TLE2: variants seen among roughly 807,000 people sequenced by gnomAD.
TLE2 encodes transducin-like enhancer protein 2.
TLE2 carries 74 observed loss-of-function variants against 97.2 expected under a neutral mutation model. The ratio of observed to expected loss-of-function variants is 0.76; its 90% CI spans 0.63 to 0.92. TLE2 has a LOEUF of 0.92. Among genes scored for constraint, TLE2 ranks in the 40% least tolerant of loss-of-function variants. The probability of loss-of-function intolerance (pLI) is 0.00; values close to 1 mark genes in which losing one functional copy is unlikely to be tolerated. For missense variants in TLE2, 1,038 were observed against 1,008.7 expected (o/e 1.03, Z -0.39); for synonymous variants, 499 against 432.1 (o/e 1.15, Z -1.92).
Position 3,009,524 on chromosome 19 carries a change from CCCCA to C in TLE2, c.1173+14_1173+17del. 1 of 1,574,346 alleles carries C rather than the reference CCCCA, an allele frequency of 6.4e-7. No homozygotes were observed. Among genetic ancestry groups the C allele is most frequent in the Non-Finnish European group, 8.6e-7 (1 of 1,160,840 alleles). ...TGGGCCCTGCTGACACCTCCTGCGC[CCCCA>C]CCCAAGGACTCACCACGGGGGAGCG... On this transcript the variant is annotated intron_variant, in intron 13 of 19. Transcript: ENST00000262953.
At chr19:3,017,664 C>T (rs1451786507) in intron 8 of TLE2, among the ~76,000 whole-genome samples, 176 bp downstream of exon 8, 1 of 151,972 alleles carries the variant, frequency 6.6e-6, no homozygotes, top group East Asian at 1.9e-4. Flanking sequence ...TGTTGCTCAG[C>T]TGGTCTCAAA....
chr19:3,016,447 G>A (rs774840909), intron 8 of TLE2, among the ~76,000 whole-genome samples: 54 of 141,736 alleles, frequency 3.8e-4, no homozygotes, highest in Non-Finnish European at 6.6e-4. Context: ...AAAATTAGCC[G>A]GGCATGGTGG....
chr19:3,008,855 AC>A lies in TLE2; in HGVS notation c.1250+13del. On this transcript the variant is annotated intron_variant, in intron 14 of 19. Transcript: ENST00000262953. ...CCCGGGACCCCAGGCAGGGAGCCCCACCCTGGTACTCACGGCTTTCCCCCAG... is the reference window on the plus strand; with the variant it reads ...CCCGGGACCCCAGGCAGGGAGCCCCACCTGGTACTCACGGCTTTCCCCCAG... The A allele has an allele frequency of 6.5e-7, 1 of 1,545,824 alleles. No individual in the cohort carries two copies.
chr19:3,011,034 T>C lies in TLE2; in HGVS notation c.1000A>G (p.Thr334Ala). 1.2e-6 allele frequency: 2 copies of C among 1,606,318 alleles called. No homozygotes were observed. The highest frequency in any genetic ancestry group is 1.7e-6 in the Non-Finnish European group (2 of 1,177,492). The change falls in exon 12 of 20, where the codon ACG becomes GCG. Residue 334 changes from threonine to alanine, a missense_variant. Thr to Ala is a moderately conservative substitution (Grantham distance 58, BLOSUM62 0). Coordinates refer to ENST00000262953, the MANE Select transcript of TLE2 (RefSeq NM_003260.5). ...CQLAAKPAPS[T>A]DSVALRSPLT... ...GCAAGGTGCTCACCGACGCTGTCCG[T>C]GGAAGGTGCTGGCTTGGCAGCAAGC...
Position 3,000,657 on chromosome 19 carries a change from C to A in TLE2, c.2114G>T (p.Ser705Ile). 1.9e-6 allele frequency: 3 copies of A among 1,587,762 alleles called. No homozygotes were observed. The highest frequency in any genetic ancestry group is 2.6e-6 in the Non-Finnish European group (3 of 1,167,490). ...CAGACCGCCGAGTACCTGGAAAATG[C>A]TGGCCCCGTACGGCGTCCTCCAGGC... ...LNAWRTPYGA[S>I]IFQSKESSSV... The change falls in exon 19 of 20, where the codon AGC (serine) becomes ATC (isoleucine). Residue 705 changes from serine to isoleucine, a missense_variant. Physicochemically the swap from Ser to Ile is moderately radical, Grantham distance 142 (BLOSUM62 -2). Coordinates refer to ENST00000262953, the MANE Select transcript of TLE2 (RefSeq NM_003260.5).
At chr19:3,004,595 C>T (rs1344595220) in intron 17 of TLE2, among the ~76,000 whole-genome samples, 1 of 125,672 alleles carries the variant, frequency 8.0e-6, no homozygotes, top group Non-Finnish European at 1.6e-5. Context: ...GCTGAGATCA[C>T]AACACAGCAA....
chr19:3,033,969 G>T (rs964035267), upstream of TLE2, among the ~76,000 whole-genome samples: 1 of 151,970 alleles, frequency 6.6e-6, no homozygotes, highest in African/African-American at 2.4e-5. Flanking sequence ...CTCCCTCCAG[G>T]CTTCAGTGAC....
Position 3,006,435 on chromosome 19 carries a change from G to C in TLE2, c.1485C>G (p.Ala495=), listed in dbSNP as rs370649724. The change falls in exon 15 of 20, where the codon GCC becomes GCG. Residue 495 remains alanine (A), a synonymous_variant. Coordinates refer to ENST00000262953, the MANE Select transcript of TLE2 (RefSeq NM_003260.5). ...VGQPGAKTPV[A]QLDCLNRDNY... is the part of the protein sequence containing the mutation. ...CCGCCCTCACCAGGCAGTCGAGCTG[G>C]GCCACGGGCGTCTTGGCCCCAGGCT... The C allele has an allele frequency of 4.3e-6, 7 of 1,610,302 alleles. No homozygotes were observed. The highest frequency in any genetic ancestry group is 2.7e-5 in the African/African-American group (2 of 74,974).
chr19:3,013,869 G>A (rs549830615), intron 10 of TLE2, 51 bp from the exon 11 acceptor site: 18 of 1,406,574 alleles, frequency 1.3e-5, no homozygotes, highest in East Asian at 5.5e-5. Context: ...AGGGAAAGAA[G>A]AGTCCCTTCT....
At position 3,005,434 on chromosome 19, in the gene TLE2, C is replaced by T. The variant is rs1398696171; in HGVS notation, c.1896+3G>A. ...TCCCCCTCCTGCCAGAACCGAACAG[C>T]ACCTGGGAGCTGAAGTCATGCTGCT... On this transcript the variant is annotated splice_donor_region_variant and intron_variant, in intron 17 of 19. Transcript: ENST00000262953. 2 of 1,613,522 alleles carry T rather than the reference C, an allele frequency of 1.2e-6. No homozygotes were observed. The highest frequency in any genetic ancestry group is 1.3e-5 in the African/African-American group (1 of 75,056).
chr19:3,021,338 G>C (rs74688785), intron 5 of TLE2, among the ~76,000 whole-genome samples: 11,609 of 150,526 alleles, frequency 0.077, 550 homozygotes, highest in African/African-American at 0.11. Flanking sequence ...CCGGGAGTTA[G>C]AGATTGCAGT....
At chr19:3,016,023 G>A (rs2089695919) in intron 8 of TLE2, 2 of 553,528 alleles carry the variant, frequency 3.6e-6, no homozygotes, top group Admixed American at 2.2e-5. Context: ...TGAGACCCCC[G>A]CCTCCCGGGT....
At chr19:3,026,639 T>TGTCTATCTCAGAACCCTGAG (rs1568249654) in intron 4 of TLE2, among the ~76,000 whole-genome samples, 3 of 140,140 alleles carry the variant, frequency 2.1e-5, no homozygotes, top group African/African-American at 9.5e-5. Context: ...CTCTGAACCC[T>TGTCTATCTCAGAACCCTGAG]GTCTATCTCA....
In TLE2 at chr19:3,019,436, C is replaced by T. The variant is rs776142851; in HGVS notation, c.397G>A (p.Ala133Thr). Residue 133 changes from alanine (A) to threonine (T), a missense_variant, in exon 7 of 20, where the codon GCA (alanine) becomes ACA (threonine). Coordinates refer to ENST00000262953, the MANE Select transcript of TLE2 (RefSeq NM_003260.5). The surrounding 1 kb of genome is among the most constrained non-coding windows in gnomAD (Gnocchi z 5.1). ...GQQLQPLSHHAPPVPLTPRPA... is the reference protein window; with the variant it reads ...GQQLQPLSHHTPPVPLTPRPA... The stretch of plus-strand genomic sequence containing the variant: ...CGGGGGGTGAGGGGCACAGGGGGTG[C>T]GTGGTGGGACAGCGGCTGGAGCTGC... 13 of 1,530,086 alleles carry T rather than the reference C, an allele frequency of 8.5e-6. No homozygotes were observed. The highest frequency in any genetic ancestry group is 3.6e-5 in the South Asian group (3 of 83,270). 94.8% of individuals were successfully genotyped at this position (1,530,086 alleles called of 1,614,324 possible).
chr19:3,011,652 C>T (rs1334596079), intron 11 of TLE2, among the ~76,000 whole-genome samples: 3 of 151,602 alleles, frequency 2.0e-5, no homozygotes, highest in African/African-American at 7.3e-5. Context: ...GAGTTTGAGG[C>T]CAGCCTGGCG....
At chr19:3,032,602 C>T (rs2090033862), upstream of TLE2, among the ~76,000 whole-genome samples, 1 of 152,122 alleles carries the variant, frequency 6.6e-6, no homozygotes, top group African/African-American at 2.4e-5. The surrounding 1 kb of genome is among the most constrained non-coding windows in gnomAD (Gnocchi z 4.1). Context: ...TTGTCTCCCT[C>T]ACCACGAAGA....
intron 9 of TLE2, 37 bp from the exon 10 acceptor site, chr19:3,014,651 T>C (rs1257391681): frequency 3.2e-6 from 5 of 1,548,268 alleles, no homozygotes; most frequent in Non-Finnish European, 4.4e-6. Context: ...ATTGTGGTCA[T>C]GCCCCTGCCT....
Position 3,028,805 on chromosome 19 carries a change from T to G in TLE2, c.25-2A>C. On this transcript the variant is annotated splice_acceptor_variant, in intron 1 of 19. Coordinates refer to ENST00000262953, the MANE Select transcript of TLE2 (RefSeq NM_003260.5). LOFTEE classifies it high-confidence loss of function. ...GGGCTGGCCGGACTGGAGCGGGGTC[T>G]GGGGGGGGTGTGGGGGAAACGTCAG... 2.5e-5 allele frequency: 33 copies of G among 1,328,822 alleles called. No homozygotes were observed. The highest frequency in any genetic ancestry group is 3.4e-5 in the Non-Finnish European group (31 of 924,890). The allele number at this position is 1,328,822 out of a possible 1,614,324, so 82.3% of individuals were successfully genotyped here.
Position 3,020,954 on chromosome 19 carries a change from C to T in TLE2, c.295-1181G>A, listed in dbSNP as rs145998658. 1.3e-3 allele frequency among the ~76,000 whole-genome samples: 191 copies of T among 151,556 alleles called. 1 individual carries two copies. The highest frequency in any genetic ancestry group is 2.2e-3 in the Non-Finnish European group (151 of 67,884). On this transcript the variant is annotated intron_variant, in intron 5 of 19. Transcript: ENST00000262953. ...TACAAAAAAAATTAGCCAGACGTGG[C>T]GGCGGGTGCCTATAATACCAGCTAC...
Sources: allele counts gnomAD v4.1 joint callset (sites outside exome capture counted in the v4.1 genomes callset), GRCh38; gene constraint gnomAD v4.1.1; non-coding constraint Gnocchi (gnomAD v3.1); transcripts MANE v1.5; gene names NCBI Gene and HGNC (gene_info 2026-07-23, HGNC 2026-07-21).